Variants in AMPD2 observed in about 807,000 individuals in gnomAD.
AMPD2 encodes AMP deaminase 2.
Under a neutral mutation model 91.3 loss-of-function variants are expected in AMPD2, and 52 were observed. The observed-to-expected ratio is 0.57, with a 90% CI of 0.46 to 0.72. AMPD2 has a LOEUF of 0.72. Ranked by LOEUF, AMPD2 falls within the 30% of genes least tolerant of loss-of-function variation. The probability of loss-of-function intolerance (pLI) is 0.00; values close to 1 mark genes in which losing one functional copy is unlikely to be tolerated. For synonymous variants in AMPD2, 455 were observed against 456.4 expected, an observed-to-expected ratio of 1.00 and a Z score of 0.04; for missense variants, 822 against 1,122.3, an observed-to-expected ratio of 0.73 and a Z score of 3.82.
intron 16 of AMPD2, 27 bp downstream of exon 16, chr1:109,629,943 C>G: frequency 6.3e-7 from 1 of 1,575,096 alleles, no homozygotes; most frequent in Non-Finnish European, 8.6e-7. Flanking sequence ...CTAGCCTTCC[C>G]TCCCAATTGT....
At chr1:109,630,658 G>C (rs752624064) in intron 17 of AMPD2, 25 bp from the exon 18 acceptor site, 8 of 1,599,990 alleles carry the variant, frequency 5.0e-6, no homozygotes, top group Non-Finnish European at 6.8e-6. Flanking sequence ...GGGCGCACTC[G>C]TCTGAGGGAA....
At position 109,628,604 on chromosome 1, in the gene AMPD2, A is replaced by G. The variant is rs372461952; in HGVS notation, c.1408-39A>G. The G allele has an allele frequency of 6.2e-7, 1 of 1,610,528 alleles. No homozygotes were observed. Among genetic ancestry groups the G allele is most frequent in the South Asian group, 1.1e-5 (1 of 90,872 alleles). On this transcript the variant is annotated intron_variant, in intron 12 of 18. Transcript: ENST00000528667. This position sits in a 1 kb window ranked among gnomAD's most constrained non-coding sequence, Gnocchi z 7.1. ...ATGACCCCCTGAAGAGCTCTGACTC[A>G]GCTCACCTCATGTCTGACTCAGCTC...
At position 109,630,729 on chromosome 1, in the gene AMPD2, T is replaced by C; in HGVS notation, c.2204T>C (p.Leu735Pro). ...AGCATCGCCACCCAGGTGTGGAAGC[T>C]CAGCTCCTGCGATATGTGTGAGCTG... ...EYSIATQVWK[L>P]SSCDMCELAR... Residue 735 changes from leucine to proline, a missense_variant, in exon 18 of 19, where the codon CTC becomes CCC. By Grantham distance (98) the Leu-to-Pro change is moderately conservative. This residue lies in a region of AMPD2 where 430 missense variants were observed against 606.0 expected (regional missense o/e 0.71). Coordinates refer to ENST00000528667, the MANE Select transcript of AMPD2 (RefSeq NM_001368809.2). 6.2e-7 allele frequency: 1 copy of C among 1,612,286 alleles called. No individual in the cohort carries two copies. The highest frequency in any genetic ancestry group is 8.5e-7 in the Non-Finnish European group (1 of 1,179,514).
chr1:109,621,397 A>G, intron 2 of AMPD2, 131 bp downstream of exon 2: 1 of 594,600 alleles, frequency 1.7e-6, no homozygotes. Flanking sequence ...CCTCAACCTC[A>G]GTCCCAGGGA....
At chr1:109,620,842 G>T in intron 1 of AMPD2, 72 bp from the exon 2 acceptor site, 1 of 1,421,402 alleles carries the variant, frequency 7.0e-7, no homozygotes, top group South Asian at 1.6e-5. Context: ...GCTCTTGGTG[G>T]GTTAGTGGAG....
rs575380969 is a variant in AMPD2, at chr1:109,620,389, G to T, written c.-263+111G>T. Reference sequence around the variant, plus strand: ...CACAGCAGCAGGACCTAGGGAAGGCGGTCAGCTCCTCCCAGGAGGGCCTGG... The same window carrying T: ...CACAGCAGCAGGACCTAGGGAAGGCTGTCAGCTCCTCCCAGGAGGGCCTGG... On this transcript the variant is annotated intron_variant, in intron 1 of 18. Coordinates refer to ENST00000528667, the MANE Select transcript of AMPD2 (RefSeq NM_001368809.2). The T allele has an allele frequency of 1.2e-5, 18 of 1,508,906 alleles. No individual in the cohort carries two copies. The African/African-American group carries it at 2.2e-4, about 18-fold the overall frequency. 93.5% of individuals were successfully genotyped at this position (1,508,906 alleles called of 1,614,324 possible).
intron 2 of AMPD2, chr1:109,622,224 C>G (rs774385218): frequency 8.8e-6 from 4 of 456,298 alleles, no homozygotes; most frequent in Non-Finnish European, 1.8e-5. Flanking sequence ...AGGGTGTTCT[C>G]TGTGCCCAGG....
chr1:109,628,572 T>A lies in AMPD2; in HGVS notation c.1408-71T>A. On this transcript the variant is annotated intron_variant, in intron 12 of 18. Transcript: ENST00000528667. This position sits in a 1 kb window ranked among gnomAD's most constrained non-coding sequence, Gnocchi z 7.1. ...TTTAGGGGGTGAGACTCAAGGAGGG[T>A]AGGCAGATGACCCCCTGAAGAGCTC... The A allele has an allele frequency of 6.2e-7, 1 of 1,611,192 alleles. No individual in the cohort carries two copies. Among genetic ancestry groups the A allele is most frequent in the Non-Finnish European group, 8.5e-7 (1 of 1,178,418 alleles).
intron 16 of AMPD2, 130 bp from the exon 17 acceptor site, chr1:109,630,103 C>A (rs1445339898): frequency 1.5e-6 from 2 of 1,335,364 alleles, no homozygotes; most frequent in Non-Finnish European, 2.1e-6. Flanking sequence ...CTAATTCACC[C>A]TTTGCACATC....
chr1:109,621,612 C>G (rs562356505), intron 2 of AMPD2, among the ~76,000 whole-genome samples: 1 of 152,284 alleles, frequency 6.6e-6, no homozygotes, highest in South Asian at 2.1e-4. Context: ...GTGGGACTGA[C>G]TGTTTTGTGG....
Position 109,626,823 on chromosome 1 carries a change from C to G in AMPD2, c.629C>G (p.Pro210Arg). Reference protein sequence around the residue: ...YMALSLQSFCPTTRRYLQQLA... With the variant: ...YMALSLQSFCRTTRRYLQQLA... ...GCCCTGTCCCTGCAGAGCTTCTGCC[C>G]CACCACCCGCCGCTACCTGCAGCAG... is the stretch of plus-strand genomic sequence containing the variant. Residue 210 changes from proline (P) to arginine (R), a missense_variant, in exon 7 of 19, where the codon CCC becomes CGC. Pro to Arg is a moderately radical substitution (Grantham distance 103, BLOSUM62 -2). Around this residue, in one of 5 missense-constraint regions of AMPD2, gnomAD observed 240 missense variants for 270.3 expected, o/e 0.89. Coordinates refer to ENST00000528667, the MANE Select transcript of AMPD2 (RefSeq NM_001368809.2). 2 of 1,613,662 alleles carry G rather than the reference C, an allele frequency of 1.2e-6. No individual in the cohort carries two copies. The highest frequency in any genetic ancestry group is 1.7e-6 in the Non-Finnish European group (2 of 1,179,896).
At chr1:109,623,767 C>G (rs1483259564) in intron 2 of AMPD2, 1 of 152,868 alleles carries the variant, frequency 6.5e-6, no homozygotes, top group East Asian at 1.9e-4. Context: ...CCCTGTCGGC[C>G]TGCCCTGCCC....
Position 109,625,119 on chromosome 1 carries a change from C to T in AMPD2, c.92-184C>T, listed in dbSNP as rs1044601309. 8.5e-5 allele frequency among the ~76,000 whole-genome samples: 13 copies of T among 152,098 alleles called. No homozygotes were observed. Among genetic ancestry groups the T allele is most frequent in the African/African-American group, 2.9e-4 (12 of 41,402 alleles). On this transcript the variant is annotated intron_variant, in intron 2 of 18. Transcript: ENST00000528667. This position sits in a 1 kb window ranked among gnomAD's most constrained non-coding sequence, Gnocchi z 4.0. The stretch of plus-strand genomic sequence containing the variant: ...GCCTGGAATGGGTGAGGGGTCCCTG[C>T]GTTAGAGGTGAGGGTGAGCCCTTTG...
chr1:109,628,600 A>T lies in AMPD2; in HGVS notation c.1408-43A>T. ...GCAGATGACCCCCTGAAGAGCTCTG[A>T]CTCAGCTCACCTCATGTCTGACTCA... On this transcript the variant is annotated intron_variant, in intron 12 of 18. Coordinates refer to ENST00000528667, the MANE Select transcript of AMPD2 (RefSeq NM_001368809.2). The surrounding 1 kb of genome is among the most constrained non-coding windows in gnomAD (Gnocchi z 7.1). 6.2e-7 allele frequency: 1 copy of T among 1,610,422 alleles called. No homozygotes were observed. The highest frequency in any genetic ancestry group is 8.5e-7 in the Non-Finnish European group (1 of 1,177,628).
chr1:109,630,499 G>C, intron 17 of AMPD2, 93 bp downstream of exon 17: 2 of 1,344,780 alleles, frequency 1.5e-6, no homozygotes, highest in South Asian at 2.5e-5. Context: ...GCGGTCTCTC[G>C]GGTTGGTGCT....
chr1:109,629,088 T>G, intron 13 of AMPD2, 21 bp from the exon 14 acceptor site: 3 of 1,612,334 alleles, frequency 1.9e-6, no homozygotes, highest in Non-Finnish European at 2.5e-6. Flanking sequence ...TGCACATACC[T>G]GCATGTTGTC....
In AMPD2 at chr1:109,628,015, A is replaced by G; in HGVS notation, c.1081-68A>G. 6.3e-7 allele frequency: 1 copy of G among 1,597,118 alleles called. No homozygotes were observed. Among genetic ancestry groups the G allele is most frequent in the Non-Finnish European group, 8.5e-7 (1 of 1,170,250 alleles). ...CATCCAGTACAGAGGGTCCTTTCCC[A>G]TTGCACTGCCCCAGGCCCCAGACCT... is the stretch of plus-strand genomic sequence containing the variant. On this transcript the variant is annotated intron_variant, in intron 10 of 18. Transcript: ENST00000528667. The surrounding 1 kb of genome is among the most constrained non-coding windows in gnomAD (Gnocchi z 7.1).
chr1:109,626,423 G>C lies in AMPD2; in HGVS notation c.527G>C (p.Cys176Ser). 1 of 1,608,234 alleles carries C rather than the reference G, an allele frequency of 6.2e-7. No individual in the cohort carries two copies. Among genetic ancestry groups the C allele is most frequent in the Non-Finnish European group, 8.5e-7 (1 of 1,177,768 alleles). Reference protein sequence around the residue: ...QRVTISGEEKCGVPFTDLLDA... With the variant: ...QRVTISGEEKSGVPFTDLLDA... ...GTCACCATCTCTGGGGAGGAGAAGT[G>C]TGGGGTAAGTATGGGGTGTATGTTG... The change falls in exon 6 of 19, where the codon TGT becomes TCT. Residue 176 changes from cysteine to serine, a missense_variant. By Grantham distance (112) the Cys-to-Ser change is moderately radical (BLOSUM62 -1). This residue lies in a region of AMPD2 where 240 missense variants were observed against 270.3 expected (regional missense o/e 0.89). Coordinates refer to ENST00000528667, the MANE Select transcript of AMPD2 (RefSeq NM_001368809.2).
chr1:109,630,906 T>G (rs1238159063), intron 18 of AMPD2, 37 bp from the exon 19 acceptor site: 1 of 1,611,302 alleles, frequency 6.2e-7, no homozygotes, highest in East Asian at 2.2e-5. Flanking sequence ...CCCTCAGCAC[T>G]GGCTGCAGCC....
Sources: gnomAD v4.1 joint callset for allele counts (sites outside exome capture counted in the v4.1 genomes callset) on GRCh38, gnomAD v4.1.1 for gene constraint, gnomAD v4.1.1 regional missense constraint, Gnocchi (gnomAD v3.1) non-coding constraint, MANE v1.5 for transcripts, NCBI Gene and HGNC (gene_info 2026-07-23, HGNC 2026-07-21) for gene names.